Variants in ULK4 observed in about 807,000 individuals in gnomAD.
ULK4 encodes inactive serine/threonine-protein kinase ULK4.
In ULK4, 133 loss-of-function variants were observed where a neutral mutation model predicts 160.6. The ratio of observed to expected loss-of-function variants is 0.83; its 90% CI spans 0.72 to 0.96. The LOEUF (loss-of-function observed/expected upper bound fraction) is 0.96, where lower values mean the gene tolerates loss of function less well. Among genes scored for constraint, ULK4 ranks in the 40% least tolerant of loss-of-function variants. The pLI is 0.00. For synonymous variants in ULK4, 534 were observed against 539.8 expected (o/e 0.99, Z 0.15); for missense variants, 1,580 against 1,499.5 (o/e 1.05, Z -0.89).
In ULK4 at chr3:41,730,610, G is replaced by A. The variant is rs530504459; in HGVS notation, c.2322-12749C>T. Among the ~76,000 whole-genome samples, 50 of 152,222 alleles carry A rather than the reference G, an allele frequency of 3.3e-4. No homozygotes were observed. In the South Asian group the frequency reaches 9.7e-3, roughly 30 times the overall value. ...TGAAGAGACCAATAATGAGTAATAA[G>A]ACTGAATCGATAATAAAGTCTCCCA... On this transcript the variant is annotated intron_variant, in intron 22 of 36. Coordinates refer to ENST00000301831, the MANE Select transcript of ULK4 (RefSeq NM_017886.4).
chr3:41,952,087 C>T (rs932274629), intron 2 of ULK4, among the ~76,000 whole-genome samples: 9 of 152,082 alleles, frequency 5.9e-5, no homozygotes, highest in African/African-American at 1.9e-4. Flanking sequence ...GGTAAAAATA[C>T]ATAACTATCA....
chr3:41,639,690 T>G (rs1335874130), intron 30 of ULK4, among the ~76,000 whole-genome samples: 1 of 152,222 alleles, frequency 6.6e-6, no homozygotes, highest in Non-Finnish European at 1.5e-5. Flanking sequence ...ATTGCGCCAC[T>G]GCACTTCAGC....
At chr3:41,500,937 T>C (rs1373286771) in intron 32 of ULK4, among the ~76,000 whole-genome samples, 2 of 152,212 alleles carry the variant, frequency 1.3e-5, no homozygotes, top group Admixed American at 1.3e-4. Flanking sequence ...TTTTGTGTTC[T>C]CCAGTAATTT....
At chr3:41,794,152 T>A (rs1288251125) in intron 20 of ULK4, among the ~76,000 whole-genome samples, 2 of 151,986 alleles carry the variant, frequency 1.3e-5, no homozygotes, top group African/African-American at 4.8e-5. Flanking sequence ...AGCCAAGAGA[T>A]CATTAGGAGA....
At chr3:41,559,912 T>C (rs551954842) in intron 32 of ULK4, among the ~76,000 whole-genome samples, 1 of 152,344 alleles carries the variant, frequency 6.6e-6, no homozygotes, top group South Asian at 2.1e-4. Context: ...TTGCCATTGC[T>C]TTTGGTGTTT....
intron 35 of ULK4, among the ~76,000 whole-genome samples, chr3:41,275,916 G>A (rs769455857): frequency 9.2e-5 from 14 of 152,344 alleles, no homozygotes; most frequent in Middle Eastern, 3.4e-3. Context: ...TTTGTCTATG[G>A]ATGTATTAAA....
chr3:41,637,311 C>G (rs1424901034), intron 30 of ULK4, among the ~76,000 whole-genome samples: 1 of 152,144 alleles, frequency 6.6e-6, no homozygotes, highest in Non-Finnish European at 1.5e-5. Flanking sequence ...TTTTGTGCCT[C>G]ATTTATTTGA....
chr3:41,555,000 G>A (rs1025607401), intron 32 of ULK4, among the ~76,000 whole-genome samples: 2 of 152,004 alleles, frequency 1.3e-5, no homozygotes, highest in East Asian at 1.9e-4. Flanking sequence ...TAGAATTTCC[G>A]AGTAAGGTAT....
intron 29 of ULK4, among the ~76,000 whole-genome samples, chr3:41,672,070 T>C (rs913612797): frequency 6.6e-6 from 1 of 151,950 alleles, no homozygotes; most frequent in Non-Finnish European, 1.5e-5. Context: ...AGATGAAAAA[T>C]AAGAGATGTT....
intron 30 of ULK4, among the ~76,000 whole-genome samples, chr3:41,654,616 G>A (rs765422727): frequency 1.3e-5 from 2 of 152,080 alleles, no homozygotes; most frequent in African/African-American, 2.4e-5. Context: ...AAAAGCTTTC[G>A]ATTCAAGAGA....
At chr3:41,800,811 G>A (rs778988847) in intron 19 of ULK4, among the ~76,000 whole-genome samples, 9 of 152,268 alleles carry the variant, frequency 5.9e-5, no homozygotes, top group Non-Finnish European at 1.2e-4. Context: ...ATTAATCCTA[G>A]AGGAAAAGCC....
chr3:41,815,421 C>T (rs1443541979), intron 19 of ULK4, among the ~76,000 whole-genome samples: 1 of 152,098 alleles, frequency 6.6e-6, no homozygotes, highest in Non-Finnish European at 1.5e-5. Context: ...TATGTGAATA[C>T]ATTTGTGAAT....
intron 19 of ULK4, among the ~76,000 whole-genome samples, chr3:41,802,078 A>G (rs1294894836): frequency 6.6e-6 from 1 of 152,140 alleles, no homozygotes; most frequent in Non-Finnish European, 1.5e-5. Context: ...AAAAACAAAG[A>G]TAAAATAAGT....
intron 35 of ULK4, among the ~76,000 whole-genome samples, chr3:41,338,822 T>C (rs2080621255): frequency 6.6e-6 from 1 of 151,882 alleles, no homozygotes; most frequent in Non-Finnish European, 1.5e-5. Context: ...AGTAAGATCC[T>C]GAAGGCCTGA....
intron 34 of ULK4, among the ~76,000 whole-genome samples, chr3:41,455,237 A>AT (rs1198372174): frequency 6.6e-6 from 1 of 152,150 alleles, no homozygotes; most frequent in Non-Finnish European, 1.5e-5. Flanking sequence ...CATTTGTTGA[A>AT]TTTTTTACCT....
chr3:41,772,791 C>G (rs2039442333), intron 21 of ULK4, among the ~76,000 whole-genome samples: 1 of 152,200 alleles, frequency 6.6e-6, no homozygotes, highest in African/African-American at 2.4e-5. Flanking sequence ...AGACCAATAT[C>G]CCTGATGAAC....
intron 32 of ULK4, among the ~76,000 whole-genome samples, chr3:41,550,074 A>T (rs1040240039): frequency 3.3e-5 from 5 of 152,108 alleles, no homozygotes; most frequent in African/African-American, 1.2e-4. Context: ...AATCCTACAT[A>T]TGAGAGGGAA....
rs1559658199 is a variant in ULK4 at position 41,506,779 on chromosome 3, T to TAA, written c.3227-43527_3227-43526insTT. 1.3e-3 allele frequency among the ~76,000 whole-genome samples: 23 copies of TAA among 18,276 alleles called. 1 individual carries two copies. Among genetic ancestry groups the TAA allele is most frequent in the Non-Finnish European group, 2.5e-3 (16 of 6,436 alleles). 12.0% of individuals were successfully genotyped at this position (18,276 alleles called of 152,430 possible). On this transcript the variant is annotated intron_variant, in intron 32 of 36. Coordinates refer to ENST00000301831, the MANE Select transcript of ULK4 (RefSeq NM_017886.4). ...GAGTGTGATTTAAAATATATATATA[T>TAA]ATATATATATATATATATATATATA...
intron 25 of ULK4, among the ~76,000 whole-genome samples, chr3:41,707,070 A>T: frequency 6.6e-6 from 1 of 152,056 alleles, no homozygotes; most frequent in East Asian, 1.9e-4. Context: ...TCCAGAGATA[A>T]CCACTATCAT....
Sources: gnomAD v4.1 joint callset for allele counts (sites outside exome capture counted in the v4.1 genomes callset) on GRCh38, gnomAD v4.1.1 for gene constraint, MANE v1.5 for transcripts, NCBI Gene and HGNC (gene_info 2026-07-23, HGNC 2026-07-21) for gene names.